The following ZFHX3 variants were observed in gnomAD, a reference collection of about 807,000 sequenced individuals.
ZFHX3 encodes the protein zinc finger homeobox 3.
Under a neutral mutation model 279.1 loss-of-function variants are expected in ZFHX3, and 42 were observed. The observed-to-expected ratio is 0.15, with a 90% CI of 0.12 to 0.19. The LOEUF is 0.19. ZFHX3 is among the 10% of genes least tolerant of loss of function. The pLI is 1.00. For missense variants in ZFHX3, 4,981 were observed against 4,754.0 expected, an observed-to-expected ratio of 1.05 and a Z score of -1.40; for synonymous variants, 2,293 against 1,957.8, an observed-to-expected ratio of 1.17 and a Z score of -4.52.
intron 2 of ZFHX3, among the ~76,000 whole-genome samples, chr16:73,555,033 C>A (rs542830898): frequency 7.9e-5 from 12 of 152,314 alleles, no homozygotes; most frequent in South Asian, 2.1e-4. Flanking sequence ...TATCCAATTT[C>A]TTTCCCTATT....
chr16:72,886,460 G>A (rs888963316), intron 4 of ZFHX3, among the ~76,000 whole-genome samples: 2 of 152,114 alleles, frequency 1.3e-5, no homozygotes, highest in Non-Finnish European at 1.5e-5. Context: ...CTGCATCCAC[G>A]GAAGCACTAC....
chr16:73,380,284 G>A (rs756174113), intron 3 of ZFHX3, among the ~76,000 whole-genome samples: 10 of 152,040 alleles, frequency 6.6e-5, no homozygotes, highest in Non-Finnish European at 4.4e-5. Flanking sequence ...AAGAGTTGGA[G>A]GTATCCATAG....
chr16:73,326,515 A>G (rs945512050), intron 3 of ZFHX3, among the ~76,000 whole-genome samples: 13 of 152,196 alleles, frequency 8.5e-5, no homozygotes, highest in Middle Eastern at 3.2e-3. Context: ...GACACAAAGG[A>G]CCACATATCG....
chr16:73,865,173 G>A (rs1353410968), intron 1 of ZFHX3, among the ~76,000 whole-genome samples: 1 of 152,214 alleles, frequency 6.6e-6, no homozygotes. Context: ...CATCTTAGAT[G>A]AACCCCACCA....
intron 3 of ZFHX3, among the ~76,000 whole-genome samples, chr16:73,337,441 C>T (rs186352856): frequency 5.7e-4 from 87 of 152,278 alleles, no homozygotes; most frequent in Non-Finnish European, 6.3e-4. Flanking sequence ...TGGATGTCTT[C>T]ATCACCTCCC....
Position 73,058,696 on chromosome 16 carries a change from T to TGGCGGC in ZFHX3, c.-196_-191dup, listed in dbSNP as rs552488803. On this transcript the variant is annotated 5_prime_UTR_variant, in exon 1 of 9. Coordinates refer to the ZFHX3 transcript ENST00000397992. Reference sequence around the variant, plus strand: ...TCGGCGGCGGCGGAGGACGCGCTGCTGGCGGCGGCGGCGGCGGCGGCGGCG... The same window carrying TGGCGGC: ...TCGGCGGCGGCGGAGGACGCGCTGCTGGCGGCGGCGGCGGCGGCGGCGGCGGCGGCG... 1,034 of 169,940 alleles carry TGGCGGC rather than the reference T, an allele frequency of 6.1e-3. 10 individuals carry two copies. Among genetic ancestry groups the TGGCGGC allele is most frequent in the African/African-American group, 0.026 (868 of 32,896 alleles). 10.5% of individuals were successfully genotyped at this position (169,940 alleles called of 1,614,324 possible). A position where few individuals can be genotyped will look rare whatever the true frequency, so the allele number is the denominator to read the frequency against.
In ZFHX3 at chr16:73,298,421, T is replaced by C. The variant is rs532762547; in HGVS notation, c.-1194+19819A>G. On this transcript the variant is annotated intron_variant, in intron 4 of 17. Coordinates refer to the ZFHX3 transcript ENST00000641206. ...CCAGTCTCGAACTCCCGACCTCAGG[T>C]GCTCCGCCTACCTCAGCCTCCCAAA... Among the ~76,000 whole-genome samples the C allele has an allele frequency of 3.3e-5, 5 of 151,858 alleles. No individual in the cohort carries two copies. In the South Asian group the frequency reaches 1.0e-3, roughly 32 times the overall value.
chr16:72,948,618 G>A (rs1327613998), intron 3 of ZFHX3, among the ~76,000 whole-genome samples: 5 of 152,152 alleles, frequency 3.3e-5, no homozygotes, highest in Non-Finnish European at 2.9e-5. Context: ...GCCGCACGGA[G>A]GATGCAGCAT....
At chr16:73,259,181 G>A (rs376543880) in intron 4 of ZFHX3, among the ~76,000 whole-genome samples, 43 of 152,270 alleles carry the variant, frequency 2.8e-4, no homozygotes, top group African/African-American at 9.9e-4. Context: ...ACGTGTGAGC[G>A]TTTCCCTAGG....
At chr16:73,815,210 T>C (rs183313957) in intron 1 of ZFHX3, among the ~76,000 whole-genome samples, 1 of 152,210 alleles carries the variant, frequency 6.6e-6, no homozygotes, top group Non-Finnish European at 1.5e-5. Flanking sequence ...CAGTTTGACT[T>C]ATTTCTGCAG....
At chr16:73,688,082 C>T (rs2053109137) in intron 1 of ZFHX3, among the ~76,000 whole-genome samples, 1 of 151,644 alleles carries the variant, frequency 6.6e-6, no homozygotes, top group Non-Finnish European at 1.5e-5. Context: ...TGAGCCTGGG[C>T]ACAGTGGCTC....
chr16:73,771,922 G>A (rs547080672), intron 1 of ZFHX3, among the ~76,000 whole-genome samples: 3 of 152,038 alleles, frequency 2.0e-5, no homozygotes, highest in South Asian at 4.2e-4. Context: ...CCCCCACAGA[G>A]GCCTTTCTTC....
chr16:73,054,415 C>A (rs1416915748), intron 1 of ZFHX3, among the ~76,000 whole-genome samples: 1 of 137,922 alleles, frequency 7.3e-6, no homozygotes, highest in African/African-American at 2.7e-5. Flanking sequence ...CATCCCGATA[C>A]AGGAGGTCGG....
intron 4 of ZFHX3, among the ~76,000 whole-genome samples, chr16:73,285,512 T>C (rs1003020660): frequency 6.6e-6 from 1 of 152,206 alleles, no homozygotes; most frequent in African/African-American, 2.4e-5. Context: ...CTCTGTGGGG[T>C]GTGTCAGGAC....
intron 7 of ZFHX3, among the ~76,000 whole-genome samples, chr16:73,116,550 G>A (rs1189926098): frequency 6.6e-6 from 1 of 152,102 alleles, no homozygotes; most frequent in Non-Finnish European, 1.5e-5. Context: ...GTCATTTTTT[G>A]TACCTGGGGA....
chr16:73,306,009 C>G (rs1305750769), intron 4 of ZFHX3, among the ~76,000 whole-genome samples: 1 of 152,176 alleles, frequency 6.6e-6, no homozygotes, highest in Admixed American at 6.5e-5. Context: ...CGGATTCTGG[C>G]TCAGTGGAAC....
chr16:73,582,130 A>G (rs969356781), intron 2 of ZFHX3, among the ~76,000 whole-genome samples: 1 of 151,996 alleles, frequency 6.6e-6, no homozygotes, highest in Admixed American at 6.5e-5. Flanking sequence ...CAATGGCTAG[A>G]AACTCTGGAA....
intron 4 of ZFHX3, among the ~76,000 whole-genome samples, chr16:72,883,157 T>C (rs747137577): frequency 4.6e-5 from 7 of 151,984 alleles, no homozygotes; most frequent in Non-Finnish European, 1.0e-4. Context: ...GAACAGGCAA[T>C]TGGCACTGAC....
intron 2 of ZFHX3, among the ~76,000 whole-genome samples, chr16:73,467,998 A>C (rs1405798823): frequency 3.9e-5 from 6 of 152,244 alleles, no homozygotes; most frequent in African/African-American, 1.2e-4. Context: ...GCCCAATGAA[A>C]TAGATCTTCA....
Sources: gnomAD v4.1 joint callset for allele counts (sites outside exome capture counted in the v4.1 genomes callset) on GRCh38, gnomAD v4.1.1 for gene constraint, MANE v1.5 for transcripts, NCBI Gene and HGNC (gene_info 2026-07-23, HGNC 2026-07-21) for gene names.